The following FYCO1 variants were observed in gnomAD, a reference collection of about 807,000 sequenced individuals.
The protein encoded by FYCO1 is FYVE and coiled-coil domain autophagy adaptor 1, also known as FYVE and coiled-coil domain-containing protein 1.
FYCO1 carries 122 observed loss-of-function variants against 165.1 expected under a neutral mutation model. The ratio of observed to expected loss-of-function variants is 0.74; its 90% confidence interval spans 0.64 to 0.86. The LOEUF is 0.86. FYCO1 is among the 40% of genes least tolerant of loss of function. The pLI is 0.00. For missense variants in FYCO1, 1,702 were observed against 1,810.3 expected (o/e 0.94, Z 1.09); for synonymous variants, 648 against 742.5 (o/e 0.87, Z 2.07).
chr3:45,947,116 C>T, intron 14 of FYCO1: 1 of 1,614,170 alleles, frequency 6.2e-7, no homozygotes, highest in Non-Finnish European at 8.5e-7. Context: ...GTCTGCTATT[C>T]AGTCATAATC....
chr3:45,989,104 G>T (rs1017278543), intron 1 of FYCO1, among the ~76,000 whole-genome samples: 1 of 152,136 alleles, frequency 6.6e-6, no homozygotes. Context: ...TGGAGGCGTG[G>T]AAGTCAACCT....
At chr3:45,961,022 G>A (rs1233898948) in intron 11 of FYCO1, among the ~76,000 whole-genome samples, 2 of 152,160 alleles carry the variant, frequency 1.3e-5, no homozygotes, top group Non-Finnish European at 2.9e-5. Context: ...CACAGGAAAT[G>A]CAAGGGATGG....
intron 16 of FYCO1, among the ~76,000 whole-genome samples, chr3:45,930,309 C>A (rs904167307): frequency 2.6e-5 from 4 of 152,186 alleles, no homozygotes; most frequent in Non-Finnish European, 4.4e-5. Flanking sequence ...CAAATTCAGA[C>A]CTCAGGCATG....
rs1289317184 is a variant in FYCO1 at position 45,960,986 on chromosome 3, CA to C, written c.3437+1238del. On this transcript the variant is annotated intron_variant, in intron 11 of 17. Transcript: ENST00000296137. ...CTAATATGTAGCCAGGATTGAGAACCACTGCAATAGTTCTAACTATGGACTC... is the reference window on the plus strand; with the variant it reads ...CTAATATGTAGCCAGGATTGAGAACCCTGCAATAGTTCTAACTATGGACTC... 2.0e-5 allele frequency among the ~76,000 whole-genome samples: 3 copies of C among 152,190 alleles called. No homozygotes were observed. In the East Asian group the frequency reaches 5.8e-4, roughly 29 times the overall value.
In FYCO1 at chr3:45,985,528, A is replaced by G. The variant is rs996742675; in HGVS notation, c.-112-506T>C. ...TAGTTGGGGGAGAGGATGAGGACAC[A>G]TACCCTCAGAACTTCTGGACCAAGG... On this transcript the variant is annotated intron_variant, in intron 1 of 17. Coordinates refer to ENST00000296137, the MANE Select transcript of FYCO1 (RefSeq NM_024513.4). Among the ~76,000 whole-genome samples, 3 of 152,196 alleles carry G rather than the reference A, an allele frequency of 2.0e-5. No individual in the cohort carries two copies. The South Asian group carries it at 6.2e-4, about 31-fold the overall frequency.
chr3:45,984,940 T>TC lies in FYCO1; in HGVS notation c.-31dup, dbSNP rs562038889. 1.6e-4 allele frequency: 262 copies of TC among 1,613,092 alleles called. 1 individual carries two copies. The African/African-American group carries it at 3.3e-3, about 21-fold the overall frequency. Reference sequence around the variant, plus strand: ...AGTTTGCCTTTCTTGTCTGTATGTCTCCTGCCTGGGTCCAGAGGAAGGCTC... The same window carrying TC: ...AGTTTGCCTTTCTTGTCTGTATGTCTCCCTGCCTGGGTCCAGAGGAAGGCTC... On this transcript the variant is annotated 5_prime_UTR_variant, in exon 2 of 18. Coordinates refer to ENST00000296137, the MANE Select transcript of FYCO1 (RefSeq NM_024513.4).
At chr3:45,943,177 A>AT (rs1704341985) in intron 14 of FYCO1, among the ~76,000 whole-genome samples, 1 of 152,192 alleles carries the variant, frequency 6.6e-6, no homozygotes, top group Non-Finnish European at 1.5e-5. Context: ...GAATTAAGTA[A>AT]TTTTAAGGTA....
chr3:45,949,208 CT>C (rs1176573798), intron 14 of FYCO1, among the ~76,000 whole-genome samples: 3 of 152,190 alleles, frequency 2.0e-5, no homozygotes, highest in African/African-American at 7.2e-5. Flanking sequence ...CAGAGTTTTA[CT>C]GTACTCAGGC....
rs556012870 is a variant in FYCO1 at position 45,928,860 on chromosome 3, C to T, written c.4251+2211G>A. On this transcript the variant is annotated intron_variant, in intron 16 of 17. Transcript: ENST00000296137. ...TCTGATTACACAGTGAGCTCCTCAA[C>T]GGGAGATCCCATGTTATCCCTTCAT... Among the ~76,000 whole-genome samples the T allele has an allele frequency of 1.2e-4, 18 of 152,258 alleles. No individual in the cohort carries two copies. The East Asian group carries it at 1.5e-3, about 13-fold the overall frequency.
chr3:45,958,149 T>C (rs543144530), intron 13 of FYCO1, among the ~76,000 whole-genome samples: 7 of 152,358 alleles, frequency 4.6e-5, no homozygotes, highest in African/African-American at 1.7e-4. Context: ...TTCATGAATG[T>C]GCATTAACAG....
At position 45,932,367 on chromosome 3, in the gene FYCO1, C is replaced by T. The variant is rs142574031; in HGVS notation, c.4041-1086G>A. On this transcript the variant is annotated intron_variant, in intron 15 of 17. Coordinates refer to ENST00000296137, the MANE Select transcript of FYCO1 (RefSeq NM_024513.4). ...AAGGTGGCGGCCATCATAGGCCACG[C>T]CCTGTGCTCAACAATTTTGCATGTT... 4.6e-3 allele frequency among the ~76,000 whole-genome samples: 700 copies of T among 152,340 alleles called. 10 individuals are homozygous for T. Among genetic ancestry groups the T allele is most frequent in the African/African-American group, 0.015 (631 of 41,578 alleles).
intron 13 of FYCO1, among the ~76,000 whole-genome samples, chr3:45,957,427 CTGCTCTTTGAAGACTTTTT>C (rs1274101625): frequency 6.6e-6 from 1 of 152,210 alleles, no homozygotes; most frequent in Non-Finnish European, 1.5e-5. Context: ...TGATAAACTT[CTGCTCTTTGAAGACTTTTT>C]TGCTCTTTGA....
At chr3:45,933,651 G>T (rs1394421472) in intron 15 of FYCO1, among the ~76,000 whole-genome samples, 2 of 152,194 alleles carry the variant, frequency 1.3e-5, no homozygotes, top group African/African-American at 4.8e-5. Flanking sequence ...GGAGAAGGAA[G>T]GCGGACTGAT....
rs769057342 is a variant in FYCO1 at position 45,968,311 on chromosome 3, C to T, written c.1023G>A (p.Glu341=). The T allele has an allele frequency of 6.2e-7, 1 of 1,613,880 alleles. No individual in the cohort carries two copies. Among genetic ancestry groups the T allele is most frequent in the Non-Finnish European group, 8.5e-7 (1 of 1,180,038 alleles). The part of the protein sequence containing the change: ...EDYHTALRRL[E]SMLQPLAQEL... Reference sequence around the variant, plus strand: ...CCTGTGCCAAGGGCTGCAGCATGGACTCCAGCCGCCGCAGGGCTGTGTGGT... The same window carrying T: ...CCTGTGCCAAGGGCTGCAGCATGGATTCCAGCCGCCGCAGGGCTGTGTGGT... Residue 341 remains glutamate, a synonymous_variant, in exon 8 of 18, where the codon GAG becomes GAA. Coordinates refer to ENST00000296137, the MANE Select transcript of FYCO1 (RefSeq NM_024513.4).
At chr3:45,976,729 A>G (rs1034317805) in intron 4 of FYCO1, among the ~76,000 whole-genome samples, 2 of 152,246 alleles carry the variant, frequency 1.3e-5, no homozygotes, top group African/African-American at 4.8e-5. Context: ...GCTGTACCAC[A>G]TATTTCCTGA....
chr3:45,972,976 G>A (rs949470283), intron 6 of FYCO1, 112 bp downstream of exon 6: 1 of 1,060,870 alleles, frequency 9.4e-7, no homozygotes. Flanking sequence ...AGTTGAACAG[G>A]TTTGTGTAAT....
intron 13 of FYCO1, among the ~76,000 whole-genome samples, chr3:45,956,762 T>C (rs1368446561): frequency 6.6e-6 from 1 of 152,116 alleles, no homozygotes; most frequent in Non-Finnish European, 1.5e-5. Context: ...CTTAAATAAA[T>C]AGAAAGTTGT....
At chr3:45,961,695 A>G (rs1705703287) in intron 11 of FYCO1, among the ~76,000 whole-genome samples, 1 of 152,120 alleles carries the variant, frequency 6.6e-6, no homozygotes, top group Non-Finnish European at 1.5e-5. Context: ...ATAATCTGGG[A>G]AGGTGGGTAA....
At chr3:45,938,623 A>T (rs13091821) in intron 14 of FYCO1, among the ~76,000 whole-genome samples, 51,741 of 151,752 alleles carry the variant, frequency 0.34, 10,480 homozygotes, top group East Asian at 0.66. Flanking sequence ...CCTCCCGAAT[A>T]GCTGGGATTA....
Sources: gnomAD v4.1 joint callset for allele counts (sites outside exome capture counted in the v4.1 genomes callset) on GRCh38, gnomAD v4.1.1 for gene constraint, MANE v1.5 for transcripts, NCBI Gene and HGNC (gene_info 2026-07-23, HGNC 2026-07-21) for gene names.